Variants in DPY19L1 observed in about 807,000 individuals in gnomAD.
The protein encoded by DPY19L1 is protein C-mannosyl-transferase DPY19L1.
Under a neutral mutation model 96.9 loss-of-function variants are expected in DPY19L1, and 35 were observed. That is an observed-to-expected ratio of 0.36 (90% confidence interval 0.28 to 0.48). The LOEUF (loss-of-function observed/expected upper bound fraction) is 0.48, where lower values mean the gene tolerates loss of function less well. Ranked by LOEUF, DPY19L1 falls within the 20% of genes least tolerant of loss-of-function variation. The pLI, the probability that DPY19L1 is intolerant of heterozygous loss-of-function variation, is 0.99. For synonymous variants in DPY19L1, 205 were observed against 252.6 expected, an observed-to-expected ratio of 0.81 and a Z score of 1.79; for missense variants, 521 against 777.9, an observed-to-expected ratio of 0.67 and a Z score of 3.93.
chr7:34,955,287 T>C, intron 12 of DPY19L1, 21 bp downstream of exon 12: 1 of 1,565,006 alleles, frequency 6.4e-7, no homozygotes, highest in Non-Finnish European at 8.7e-7. Context: ...AACATAAGCA[T>C]TAAAATAGAT....
At chr7:34,988,968 A>G (rs1410322370) in intron 7 of DPY19L1, among the ~76,000 whole-genome samples, 3 of 152,158 alleles carry the variant, frequency 2.0e-5, no homozygotes, top group Non-Finnish European at 4.4e-5. Context: ...CAATAATCCT[A>G]TGAGGTGGGT....
chr7:34,932,834 T>G (rs898306714), intron 21 of DPY19L1, among the ~76,000 whole-genome samples: 1 of 152,180 alleles, frequency 6.6e-6, no homozygotes, highest in Non-Finnish European at 1.5e-5. Context: ...AATTGACAAC[T>G]GCTCATGTTT....
At chr7:35,004,885 C>T (rs1046178471) in intron 6 of DPY19L1, among the ~76,000 whole-genome samples, 5 of 152,220 alleles carry the variant, frequency 3.3e-5, no homozygotes, top group Admixed American at 6.5e-5. Context: ...TGAGACACTC[C>T]GCAGGGGCAT....
At chr7:34,977,402 G>A (rs17792907) in intron 7 of DPY19L1, among the ~76,000 whole-genome samples, 8,280 of 152,100 alleles carry the variant, frequency 0.054, 484 homozygotes, top group Admixed American at 0.19. Flanking sequence ...TCCAAAATTC[G>A]TTGCTTTTAA....
intron 10 of DPY19L1, among the ~76,000 whole-genome samples, chr7:34,959,257 G>A (rs1313915518): frequency 1.3e-5 from 2 of 152,188 alleles, no homozygotes; most frequent in South Asian, 4.1e-4. Context: ...CGCTTTTACA[G>A]TGCTGGTGGG....
intron 4 of DPY19L1, among the ~76,000 whole-genome samples, chr7:35,012,068 A>G (rs1408154673): frequency 3.3e-5 from 5 of 152,216 alleles, no homozygotes; most frequent in Non-Finnish European, 7.3e-5. Flanking sequence ...GGTGCCTGAA[A>G]GCTTGAAGCT....
rs191372369 is a variant in DPY19L1 at position 34,947,639 on chromosome 7, A to T, written c.1485T>A (p.Ile495=). The T allele has an allele frequency of 0.011, 17,518 of 1,611,718 alleles. 135 individuals carry two copies. Among genetic ancestry groups the T allele is most frequent in the Non-Finnish European group, 0.012 (14,067 of 1,178,826 alleles). Residue 495 remains isoleucine (I), a synonymous_variant, in exon 15 of 22, where the codon ATT becomes ATA. Coordinates refer to ENST00000638088, the MANE Select transcript of DPY19L1 (RefSeq NM_001366673.1). ...LPVVLVVFVA[I]VRKIISDMWG... is the part of the protein sequence containing the mutation. ...TAAGTGATAGACATACCTTTCTAAC[A>T]ATAGCAACAAACACTACAAGAACAA...
At chr7:35,037,907 A>T, upstream of DPY19L1, 1 of 1,238,238 alleles carries the variant, frequency 8.1e-7, no homozygotes, top group Non-Finnish European at 1.0e-6. Context: ...TGTGGGAGTG[A>T]TGGGGCCGAA....
intron 1 of DPY19L1, among the ~76,000 whole-genome samples, chr7:35,020,788 A>G (rs1584260267): frequency 6.6e-6 from 1 of 152,232 alleles, no homozygotes; most frequent in African/African-American, 2.4e-5. Flanking sequence ...GGCTCACTGC[A>G]ACCTCCGCCT....
intron 3 of DPY19L1, among the ~76,000 whole-genome samples, chr7:35,015,385 C>T (rs1214766337): frequency 6.6e-6 from 1 of 152,154 alleles, no homozygotes; most frequent in African/African-American, 2.4e-5. Flanking sequence ...GTCACAAAGA[C>T]CCTGCTGATA....
rs539296256 is a variant in DPY19L1, at chr7:34,978,790, C to T, written c.823-5185G>A. On this transcript the variant is annotated intron_variant, in intron 7 of 21. Coordinates refer to ENST00000638088, the MANE Select transcript of DPY19L1 (RefSeq NM_001366673.1). Reference sequence around the variant, plus strand: ...TGCATTTTAATTACTGATTGAGCATCGCTAATCCAAAAAACCAAAATCTGA... The same window carrying T: ...TGCATTTTAATTACTGATTGAGCATTGCTAATCCAAAAAACCAAAATCTGA... Among the ~76,000 whole-genome samples the T allele has an allele frequency of 6.6e-4, 100 of 152,112 alleles. 2 individuals are homozygous for T. The highest frequency in any genetic ancestry group is 2.1e-3 in the Admixed American group (32 of 15,274).
rs1267559914 is a variant in DPY19L1 at position 34,929,529 on chromosome 7, T to A, written c.*2044A>T. 1 of 152,206 alleles carries A rather than the reference T, an allele frequency of 6.6e-6. No homozygotes were observed. The highest frequency in any genetic ancestry group is 1.5e-5 in the Non-Finnish European group (1 of 68,034). The allele number at this position is 152,206 out of a possible 1,614,324, so 9.4% of individuals were successfully genotyped here. A position where few individuals can be genotyped will look rare whatever the true frequency, so the allele number is the denominator to read the frequency against. On this transcript the variant is annotated 3_prime_UTR_variant, in exon 22 of 22. Coordinates refer to ENST00000638088, the MANE Select transcript of DPY19L1 (RefSeq NM_001366673.1). ...GAATTTCTACTTATTACATGTGAAC[T>A]TCTTTGGAAGGAAATTACTGGGGGT... is the stretch of plus-strand genomic sequence containing the variant.
intron 6 of DPY19L1, among the ~76,000 whole-genome samples, chr7:34,997,002 G>A (rs1785301386): frequency 6.6e-6 from 1 of 152,110 alleles, no homozygotes; most frequent in South Asian, 2.1e-4. Context: ...CTCTGAAGCA[G>A]GACAGTAATA....
intron 14 of DPY19L1, among the ~76,000 whole-genome samples, chr7:34,949,454 A>G (rs1003595440): frequency 6.6e-6 from 1 of 152,246 alleles, no homozygotes; most frequent in African/African-American, 2.4e-5. Context: ...GCAAATATCT[A>G]TTTAAATAAC....
chr7:34,975,399 C>G (rs966081683), intron 7 of DPY19L1, among the ~76,000 whole-genome samples: 1 of 152,206 alleles, frequency 6.6e-6, no homozygotes, highest in African/African-American at 2.4e-5. Flanking sequence ...TAACTCTCTT[C>G]AATTCTATGA....
chr7:35,013,506 A>C (rs1420068717), intron 4 of DPY19L1, 62 bp downstream of exon 4: 2 of 1,290,762 alleles, frequency 1.5e-6, no homozygotes, highest in Non-Finnish European at 2.2e-6. Context: ...ATTTAGAATC[A>C]GCGTTTAATA....
upstream of DPY19L1, chr7:35,038,003 G>A (rs1250757114): frequency 7.1e-6 from 7 of 984,710 alleles, no homozygotes; most frequent in Non-Finnish European, 9.1e-6. Context: ...GCGAGACGCG[G>A]CGGGGCAGGG....
intron 6 of DPY19L1, among the ~76,000 whole-genome samples, chr7:35,004,298 G>C (rs1297210533): frequency 1.3e-5 from 2 of 152,108 alleles, no homozygotes; most frequent in African/African-American, 4.8e-5. Context: ...CTTCTTCTGG[G>C]AACTTTCATC....
intron 14 of DPY19L1, among the ~76,000 whole-genome samples, chr7:34,948,832 G>C (rs1784208502): frequency 6.6e-6 from 1 of 152,178 alleles, no homozygotes; most frequent in African/African-American, 2.4e-5. Context: ...CCATTTGCCG[G>C]AACACAATAA....
Sources: allele counts gnomAD v4.1 joint callset (sites outside exome capture counted in the v4.1 genomes callset), GRCh38; gene constraint gnomAD v4.1.1; transcripts MANE v1.5; gene names NCBI Gene and HGNC (gene_info 2026-07-23, HGNC 2026-07-21).